Variants in NUP88 observed in about 807,000 individuals in gnomAD.
NUP88 encodes nuclear pore complex protein Nup88.
NUP88 carries 57 observed loss-of-function variants against 93.9 expected under a neutral mutation model. The observed-to-expected ratio is 0.61, with a 90% CI of 0.49 to 0.76. The LOEUF is 0.76. NUP88 is among the 30% of genes least tolerant of loss of function. The pLI is 0.00. For missense variants in NUP88, 911 were observed against 901.0 expected (o/e 1.01, Z -0.14); for synonymous variants, 346 against 336.8 (o/e 1.03, Z -0.30).
chr17:5,397,325 G>A (rs549540703), intron 8 of NUP88, among the ~76,000 whole-genome samples: 1 of 151,672 alleles, frequency 6.6e-6, no homozygotes, highest in African/African-American at 2.4e-5. Flanking sequence ...AGACAACAGA[G>A]TGAGACCCTC....
chr17:5,399,412 T>C (rs1913006556), intron 8 of NUP88, 140 bp downstream of exon 8: 5 of 569,418 alleles, frequency 8.8e-6, no homozygotes, highest in Non-Finnish European at 1.6e-5. Context: ...GCTTGTGAAA[T>C]GTGGTTGATC....
At chr17:5,386,936 T>G (rs769607410) in intron 15 of NUP88, 48 bp downstream of exon 15, 2 of 1,603,956 alleles carry the variant, frequency 1.2e-6, no homozygotes, top group Admixed American at 3.4e-5. Context: ...GTAGAATAAG[T>G]GCTTTAAGAA....
intron 10 of NUP88, among the ~76,000 whole-genome samples, chr17:5,389,966 G>A (rs949315137): frequency 6.6e-6 from 1 of 151,760 alleles, no homozygotes; most frequent in Non-Finnish European, 1.5e-5. Context: ...AGGAGTTCAG[G>A]ACCAGCCTGG....
rs1310924486 is a variant in NUP88 at position 5,387,924 on chromosome 17, C to A, written c.1644-20G>T. On this transcript the variant is annotated intron_variant, in intron 11 of 16. Transcript: ENST00000573584. ...GAAGCTCTTAAAAACAAAGTTTCTA[C>A]CTTTATTTTCCTTAGCTGAGTAAAA... 3.7e-6 allele frequency: 6 copies of A among 1,603,744 alleles called. No individual in the cohort carries two copies. In the East Asian group the frequency reaches 1.4e-4, roughly 36 times the overall value.
At chr17:5,395,104 T>C (rs1567568288) in intron 8 of NUP88, 123 bp from the exon 9 acceptor site, 4 of 661,396 alleles carry the variant, frequency 6.0e-6, no homozygotes, top group Non-Finnish European at 2.7e-6. Context: ...TCAAGTACTA[T>C]GCTTTTCTGA....
rs1296358816 is a variant in NUP88, at chr17:5,385,616, T to C, written c.*590A>G. The C allele has an allele frequency of 4.3e-6, 1 of 230,842 alleles. No individual in the cohort carries two copies. Among genetic ancestry groups the C allele is most frequent in the African/African-American group, 2.2e-5 (1 of 45,220 alleles). 14.3% of individuals were successfully genotyped at this position (230,842 alleles called of 1,614,324 possible). On this transcript the variant is annotated 3_prime_UTR_variant, in exon 17 of 17. Coordinates refer to ENST00000573584, the MANE Select transcript of NUP88 (RefSeq NM_002532.6). ...CCTCATGTCCACTCAGTAACAAGTA[T>C]TGGGACGTAGAGCACAGCCTCACTC...
At chr17:5,386,941 TAAGAAA>T (rs1912030748) in intron 15 of NUP88, 37 bp downstream of exon 15, 6 of 1,604,442 alleles carry the variant, frequency 3.7e-6, no homozygotes, top group East Asian at 2.2e-5. Flanking sequence ...ATAAGTGCTT[TAAGAAA>T]AATTACCAAA....
chr17:5,400,862 T>C (rs1913118605), intron 7 of NUP88, among the ~76,000 whole-genome samples: 1 of 152,186 alleles, frequency 6.6e-6, no homozygotes, highest in South Asian at 2.1e-4. Context: ...TCAAAGGTTA[T>C]TTTCAGTTTT....
rs1567569676 is a variant in NUP88, at chr17:5,398,150, TG to T, written c.1291+1401del. Among the ~76,000 whole-genome samples, 6 of 151,874 alleles carry T rather than the reference TG, an allele frequency of 4.0e-5. No individual in the cohort carries two copies. In the East Asian group the frequency reaches 1.2e-3, roughly 29 times the overall value. On this transcript the variant is annotated intron_variant, in intron 8 of 16. Coordinates refer to ENST00000573584, the MANE Select transcript of NUP88 (RefSeq NM_002532.6). ...TTGGTCTTGAAGTCCTAACCTCAAG[TG>T]CCTCGGCCTCCAAAGTGCTGGGATT...
intron 8 of NUP88, among the ~76,000 whole-genome samples, chr17:5,397,069 G>A (rs1019789789): frequency 6.6e-6 from 1 of 152,112 alleles, no homozygotes; most frequent in African/African-American, 2.4e-5. Context: ...GCCAGGTGCG[G>A]TGGATCACAC....
At chr17:5,398,654 G>T (rs1288023822) in intron 8 of NUP88, among the ~76,000 whole-genome samples, 19 of 150,742 alleles carry the variant, frequency 1.3e-4, no homozygotes, top group African/African-American at 4.4e-4. Context: ...GCAGTGGCAT[G>T]ACCTCGGCTC....
In NUP88 at chr17:5,391,717, G is replaced by A. The variant is rs563055632; in HGVS notation, c.1383-55C>T. 1.1e-5 allele frequency: 16 copies of A among 1,452,546 alleles called. No individual in the cohort carries two copies. In the African/African-American group the frequency reaches 1.3e-4, roughly 11 times the overall value. The allele number at this position is 1,452,546 out of a possible 1,614,324, so 90.0% of individuals were successfully genotyped here. A position where few individuals can be genotyped will look rare whatever the true frequency, so the allele number is the denominator to read the frequency against. On this transcript the variant is annotated intron_variant, in intron 9 of 16. Coordinates refer to ENST00000573584, the MANE Select transcript of NUP88 (RefSeq NM_002532.6). ...AAAGCAGCAAATGCAATGGAACCAA[G>A]AGCAAAGACATGACAGGTCCGCGGC...
intron 3 of NUP88, among the ~76,000 whole-genome samples, chr17:5,412,767 C>G (rs1037722493): frequency 6.6e-6 from 1 of 152,122 alleles, no homozygotes; most frequent in African/African-American, 2.4e-5. Context: ...GCATACTTCC[C>G]CATCACTCAC....
intron 1 of NUP88, among the ~76,000 whole-genome samples, 178 bp from the exon 2 acceptor site, chr17:5,416,860 C>G (rs968339595): frequency 7.0e-6 from 1 of 142,894 alleles, no homozygotes; most frequent in African/African-American, 2.6e-5. Context: ...GAGACAGAGT[C>G]TTGCTGTCAC....
rs144400375 is a variant in NUP88, at chr17:5,386,787, T to C, written c.2083A>G (p.Lys695Glu). Residue 695 changes from lysine to glutamate, a missense_variant, in exon 16 of 17, where the codon AAG becomes GAG. By Grantham distance (56) the Lys-to-Glu change is moderately conservative (BLOSUM62 1). Coordinates refer to ENST00000573584, the MANE Select transcript of NUP88 (RefSeq NM_002532.6). ...KKDYQQQKME[K>E]VLSLPKPTII... Reference sequence around the variant, plus strand: ...GTGGGTTTTGGAAGACTCAACACCTTCTCCATCTTTTGCTGTTGATAATCC... The same window carrying C: ...GTGGGTTTTGGAAGACTCAACACCTCCTCCATCTTTTGCTGTTGATAATCC... 2.3e-5 allele frequency: 37 copies of C among 1,613,770 alleles called. No homozygotes were observed. Among genetic ancestry groups the C allele is most frequent in the Admixed American group, 3.3e-5 (2 of 60,024 alleles).
Position 5,388,958 on chromosome 17 carries a change from C to T in NUP88, c.1487G>A (p.Ser496Asn), listed in dbSNP as rs779114702. 5 of 1,598,822 alleles carry T rather than the reference C, an allele frequency of 3.1e-6. No homozygotes were observed. Residue 496 changes from serine (S) to asparagine (N), a missense_variant and splice_region_variant, in exon 11 of 17, where the codon AGT (serine) becomes AAT (asparagine). Ser to Asn is a conservative substitution (Grantham distance 46). Coordinates refer to ENST00000573584, the MANE Select transcript of NUP88 (RefSeq NM_002532.6). ...TYECLIWPLL[S>N]TVHPASPPLL... is the part of the protein sequence containing the mutation. ...GGGAGGAGACGCTGGATGGACTGTACTTCTGCAAAATAAGTAAGTAAATTG... is the reference window on the plus strand; with the variant it reads ...GGGAGGAGACGCTGGATGGACTGTATTTCTGCAAAATAAGTAAGTAAATTG...
intron 4 of NUP88, among the ~76,000 whole-genome samples, chr17:5,409,714 T>C (rs1167839658): frequency 6.6e-6 from 1 of 152,094 alleles, no homozygotes; most frequent in South Asian, 2.1e-4. Flanking sequence ...GAAATAAAGA[T>C]GGAACATAAA....
chr17:5,394,650 AGCTGGGGCTGGG>A (rs1010448524), intron 9 of NUP88, among the ~76,000 whole-genome samples: 6 of 151,710 alleles, frequency 4.0e-5, no homozygotes, highest in African/African-American at 1.2e-4. Context: ...GAAGACAGCA[AGCTGGGGCTGGG>A]GCTGGGGCTG....
rs142259321 is a variant in NUP88 at position 5,410,809 on chromosome 17, A to T, written c.594-20T>A. On this transcript the variant is annotated intron_variant, in intron 3 of 16. Transcript: ENST00000573584. ...TAAATTCTAGCAACCAAAAGAGAAG[A>T]AAACCAGCACTTAAAATTCTGTTTT... 11 of 1,502,256 alleles carry T rather than the reference A, an allele frequency of 7.3e-6. No individual in the cohort carries two copies. The East Asian group carries it at 2.5e-4, about 34-fold the overall frequency. 93.1% of individuals were successfully genotyped at this position (1,502,256 alleles called of 1,614,324 possible).
Sources: allele counts gnomAD v4.1 joint callset (sites outside exome capture counted in the v4.1 genomes callset), GRCh38; gene constraint gnomAD v4.1.1; transcripts MANE v1.5; gene names NCBI Gene and HGNC (gene_info 2026-07-23, HGNC 2026-07-21).